Variants in DLG2 observed in about 807,000 individuals in gnomAD.
The protein encoded by DLG2 is disks large homolog 2.
DLG2 carries 45 observed loss-of-function variants against 132.5 expected under a neutral mutation model. The observed-to-expected ratio is 0.34, with a 90% CI of 0.27 to 0.44. DLG2 has a LOEUF of 0.44. Ranked by LOEUF, DLG2 falls within the 20% of genes least tolerant of loss-of-function variation. The pLI, the probability that DLG2 is intolerant of heterozygous loss-of-function variation, is 1.00. For missense variants in DLG2, 1,045 were observed against 1,196.9 expected, an observed-to-expected ratio of 0.87 and a Z score of 1.87; for synonymous variants, 424 against 419.6, an observed-to-expected ratio of 1.01 and a Z score of -0.13.
intron 8 of DLG2, among the ~76,000 whole-genome samples, chr11:84,187,639 G>C (rs2096304132): frequency 6.6e-6 from 1 of 151,932 alleles, no homozygotes; most frequent in Non-Finnish European, 1.5e-5. Context: ...ATGTTGCTAA[G>C]TATTCCTGGT....
intron 3 of DLG2, among the ~76,000 whole-genome samples, chr11:85,411,486 C>T (rs572205541): frequency 3.5e-4 from 53 of 151,888 alleles, no homozygotes; most frequent in African/African-American, 1.3e-3. Flanking sequence ...ATATTAATAA[C>T]AAATTTGTTG....
chr11:84,620,576 C>A (rs1387078199), intron 6 of DLG2, among the ~76,000 whole-genome samples: 1 of 151,872 alleles, frequency 6.6e-6, no homozygotes, highest in Non-Finnish European at 1.5e-5. Flanking sequence ...CAGCAATAAA[C>A]CATTATTTTA....
At chr11:83,567,137 C>T (rs926250655) in intron 19 of DLG2, among the ~76,000 whole-genome samples, 3 of 152,102 alleles carry the variant, frequency 2.0e-5, no homozygotes, top group African/African-American at 4.8e-5. Context: ...TCGGGTGACT[C>T]GTTGAAAGCC....
chr11:85,415,663 G>A (rs1030763348), intron 3 of DLG2, among the ~76,000 whole-genome samples: 2 of 151,980 alleles, frequency 1.3e-5, no homozygotes, highest in African/African-American at 2.4e-5. Context: ...GTCTTCTTTT[G>A]AGGGTGTCTG....
At chr11:84,610,288 A>G (rs974465460) in intron 6 of DLG2, among the ~76,000 whole-genome samples, 3 of 152,118 alleles carry the variant, frequency 2.0e-5, no homozygotes, top group African/African-American at 7.2e-5. Flanking sequence ...ACTAATTATT[A>G]TTCTGTAGTG....
intron 19 of DLG2, among the ~76,000 whole-genome samples, chr11:83,603,570 A>T (rs2058891304): frequency 6.6e-6 from 1 of 152,160 alleles, no homozygotes; most frequent in African/African-American, 2.4e-5. Flanking sequence ...AATAATGTTA[A>T]ACTGTTTTCC....
intron 7 of DLG2, among the ~76,000 whole-genome samples, chr11:84,281,651 A>G (rs1225712343): frequency 6.8e-6 from 1 of 146,114 alleles, no homozygotes; most frequent in Non-Finnish European, 1.5e-5. Context: ...TCCATGTGAT[A>G]AAACAAATAA....
chr11:85,313,861 A>G (rs1240496659), intron 3 of DLG2, among the ~76,000 whole-genome samples: 1 of 151,952 alleles, frequency 6.6e-6, no homozygotes, highest in African/African-American at 2.4e-5. Flanking sequence ...TATGACCTCA[A>G]TTGCAAAACT....
rs1477581405 is a variant in DLG2 at position 83,459,827 on chromosome 11, T to C, written c.2919A>G (p.Glu973=). 1 of 1,598,268 alleles carries C rather than the reference T, an allele frequency of 6.3e-7. No homozygotes were observed. Among genetic ancestry groups the C allele is most frequent in the South Asian group, 1.1e-5 (1 of 90,752 alleles). The stretch of plus-strand genomic sequence containing the variant: ...AGGCGCAGTAGCTAATTTATAACTT[T>C]TCCTTTGAGGGAATCCAGATGAAAG... ...SGPFIWIPSK[E]KL The change falls in exon 28 of 28, where the codon GAA becomes GAG. Residue 973 remains glutamate, a synonymous_variant. Coordinates refer to ENST00000376104, the MANE Select transcript of DLG2 (RefSeq NM_001142699.3).
intron 11 of DLG2, among the ~76,000 whole-genome samples, chr11:84,049,514 T>C (rs2096312269): frequency 6.6e-6 from 1 of 151,794 alleles, no homozygotes; most frequent in Non-Finnish European, 1.5e-5. Flanking sequence ...ATTGCTTTGA[T>C]GGTTATGATC....
chr11:83,678,392 A>C (rs2078134557), intron 18 of DLG2, among the ~76,000 whole-genome samples: 1 of 152,176 alleles, frequency 6.6e-6, no homozygotes. Flanking sequence ...CATAAGCAGA[A>C]GCTCCCAGTC....
chr11:83,602,935 A>G (rs2058772706), intron 19 of DLG2, among the ~76,000 whole-genome samples: 1 of 152,042 alleles, frequency 6.6e-6, no homozygotes, highest in South Asian at 2.1e-4. Context: ...ATTTTCCTTC[A>G]TGATTCTATT....
intron 15 of DLG2, among the ~76,000 whole-genome samples, chr11:83,894,616 A>C (rs1353246170): frequency 1.3e-5 from 2 of 152,194 alleles, no homozygotes; most frequent in Non-Finnish European, 2.9e-5. Flanking sequence ...TGGGATATCT[A>C]TCGCCTCAAC....
At chr11:84,014,395 C>T (rs770103171) in intron 11 of DLG2, among the ~76,000 whole-genome samples, 2 of 151,876 alleles carry the variant, frequency 1.3e-5, no homozygotes, top group Non-Finnish European at 2.9e-5. Flanking sequence ...ATTTTCTTCA[C>T]AAAAAATGGT....
In DLG2 at chr11:84,299,525, CT is replaced by C. The variant is rs1414658710; in HGVS notation, c.520-48235del. On this transcript the variant is annotated intron_variant, in intron 7 of 27. Transcript: ENST00000376104. Reference sequence around the variant, plus strand: ...ATGTAATGGATCTGGTGATGACTTCCTGATTTCTGACTTGGCACACTAAGTG... The same window carrying C: ...ATGTAATGGATCTGGTGATGACTTCCGATTTCTGACTTGGCACACTAAGTG... Among the ~76,000 whole-genome samples the C allele has an allele frequency of 5.9e-5, 9 of 152,192 alleles. No individual in the cohort carries two copies. The East Asian group carries it at 1.7e-3, about 29-fold the overall frequency.
rs1316930262 is a variant in DLG2, at chr11:84,823,588, C to A, written c.357+288073G>T. Among the ~76,000 whole-genome samples, 10 of 97,978 alleles carry A rather than the reference C, an allele frequency of 1.0e-4. No individual in the cohort carries two copies. In the South Asian group the frequency reaches 2.5e-3, roughly 25 times the overall value. 64.3% of individuals were successfully genotyped at this position (97,978 alleles called of 152,430 possible). A position where few individuals can be genotyped will look rare whatever the true frequency, so the allele number is the denominator to read the frequency against. On this transcript the variant is annotated intron_variant, in intron 6 of 27. Coordinates refer to ENST00000376104, the MANE Select transcript of DLG2 (RefSeq NM_001142699.3). ...AATGGGATGGTTGTATATCCACACA[C>A]ACACACACACACACACACACACACA...
chr11:83,494,719 C>T (rs865817127), intron 21 of DLG2, among the ~76,000 whole-genome samples: 17 of 138,312 alleles, frequency 1.2e-4, no homozygotes, highest in Admixed American at 2.1e-4. Context: ...AGCTCCCTGC[C>T]TACCAGTGCC....
At chr11:85,447,871 CA>C (rs1032854552) in intron 3 of DLG2, among the ~76,000 whole-genome samples, 4 of 152,078 alleles carry the variant, frequency 2.6e-5, no homozygotes, top group African/African-American at 9.7e-5. Context: ...ATGAGATAGA[CA>C]GAAAAGGCAA....
At chr11:85,560,982 T>A (rs185475963) in intron 3 of DLG2, among the ~76,000 whole-genome samples, 23 of 151,542 alleles carry the variant, frequency 1.5e-4, no homozygotes, top group African/African-American at 4.8e-4. Context: ...CAGTGAGCTG[T>A]GATCATTCCA....
Sources: gnomAD v4.1 joint callset for allele counts (sites outside exome capture counted in the v4.1 genomes callset) on GRCh38, gnomAD v4.1.1 for gene constraint, MANE v1.5 for transcripts, NCBI Gene and HGNC (gene_info 2026-07-23, HGNC 2026-07-21) for gene names.